Variants in PCSK2 observed in about 807,000 individuals in gnomAD.
The protein encoded by PCSK2 is proprotein convertase subtilisin/kexin type 2.
In PCSK2, 14 loss-of-function variants were observed where a neutral mutation model predicts 69.7. The observed-to-expected ratio is 0.20, with a 90% CI of 0.13 to 0.31. The LOEUF is 0.31. PCSK2 is among the 10% of genes least tolerant of loss of function. The pLI, the probability that PCSK2 is intolerant of heterozygous loss-of-function variation, is 1.00. For synonymous variants in PCSK2, 307 were observed against 320.7 expected (o/e 0.96, Z 0.46); for missense variants, 544 against 842.5 (o/e 0.65, Z 4.39).
At chr20:17,274,463 A>G (rs6080617) in intron 2 of PCSK2, among the ~76,000 whole-genome samples, 1 of 152,186 alleles carries the variant, frequency 6.6e-6, no homozygotes, top group East Asian at 1.9e-4. Context: ...AATTCTGGGC[A>G]TAGCCAGCCC....
chr20:17,393,461 TAA>T (rs5840765), intron 5 of PCSK2, among the ~76,000 whole-genome samples: 2 of 151,998 alleles, frequency 1.3e-5, no homozygotes, highest in East Asian at 3.9e-4. Flanking sequence ...CCCAGAAAGC[TAA>T]AAAAAAGTTA....
intron 8 of PCSK2, among the ~76,000 whole-genome samples, chr20:17,437,785 G>A (rs925417431): frequency 6.6e-6 from 1 of 152,206 alleles, no homozygotes; most frequent in Admixed American, 6.5e-5. Context: ...TTTGGACCGG[G>A]CACACTGGGG....
intron 1 of PCSK2, among the ~76,000 whole-genome samples, chr20:17,253,513 T>A (rs6044702): frequency 0.5 from 76,751 of 151,998 alleles, 19,543 homozygotes; most frequent in East Asian, 0.66. Context: ...TTCAAGGTTC[T>A]TCCGTGTTTT....
chr20:17,267,138 C>G (rs1987645516), intron 2 of PCSK2, among the ~76,000 whole-genome samples: 1 of 152,126 alleles, frequency 6.6e-6, no homozygotes, highest in Admixed American at 6.5e-5. Context: ...CTGCCCTTTT[C>G]CAGAGATTGA....
At chr20:17,275,194 A>G (rs1020923722) in intron 2 of PCSK2, among the ~76,000 whole-genome samples, 6 of 151,734 alleles carry the variant, frequency 4.0e-5, no homozygotes, top group Non-Finnish European at 7.4e-5. Flanking sequence ...TAAGAAATCA[A>G]TGCATTTGAA....
chr20:17,413,047 G>A (rs1403562127), intron 6 of PCSK2, among the ~76,000 whole-genome samples: 2 of 152,272 alleles, frequency 1.3e-5, no homozygotes, highest in South Asian at 2.1e-4. Context: ...AACATGGAAA[G>A]GAACAACCAG....
In PCSK2 at chr20:17,370,254, C is replaced by T. The variant is rs564826398; in HGVS notation, c.543+977C>T. Among the ~76,000 whole-genome samples the T allele has an allele frequency of 5.3e-5, 8 of 152,284 alleles. No individual in the cohort carries two copies. In the South Asian group the frequency reaches 1.7e-3, roughly 32 times the overall value. On this transcript the variant is annotated intron_variant, in intron 5 of 11. Coordinates refer to ENST00000262545, the MANE Select transcript of PCSK2 (RefSeq NM_002594.5). ...CTCATATTTAGAGAACAAGGGCTTGCATAAAAGAAAGGATGGTTACCCAGC... is the reference window on the plus strand; with the variant it reads ...CTCATATTTAGAGAACAAGGGCTTGTATAAAAGAAAGGATGGTTACCCAGC...
chr20:17,335,462 T>TGTGTGTGTGTG (rs1555789125), intron 2 of PCSK2, among the ~76,000 whole-genome samples: 18 of 151,212 alleles, frequency 1.2e-4, no homozygotes, highest in South Asian at 2.1e-4. Context: ...TGTGTGTGTG[T>TGTGTGTGTGTG]TCCTTGTCTA....
At chr20:17,382,639 G>A (rs944040551) in intron 5 of PCSK2, among the ~76,000 whole-genome samples, 4 of 152,220 alleles carry the variant, frequency 2.6e-5, no homozygotes, top group South Asian at 4.1e-4. Context: ...CCTGGACCAA[G>A]CCAGCATCAC....
At chr20:17,429,842 C>T (rs2032328013) in intron 7 of PCSK2, among the ~76,000 whole-genome samples, 1 of 152,040 alleles carries the variant, frequency 6.6e-6, no homozygotes, top group African/African-American at 2.4e-5. Flanking sequence ...AGTTACTACT[C>T]TGACACCCAA....
chr20:17,472,127 C>T (rs920438924), intron 11 of PCSK2, among the ~76,000 whole-genome samples: 2 of 152,176 alleles, frequency 1.3e-5, no homozygotes, highest in African/African-American at 2.4e-5. Context: ...CCAGCCCAGG[C>T]CGGCCCCATC....
chr20:17,478,555 T>C (rs946915751), intron 11 of PCSK2, among the ~76,000 whole-genome samples: 11 of 152,240 alleles, frequency 7.2e-5, no homozygotes, highest in African/African-American at 2.7e-4. Flanking sequence ...AAGTTAATCA[T>C]AGTTGTTACT....
intron 2 of PCSK2, among the ~76,000 whole-genome samples, chr20:17,268,061 A>ATATATATATATATATC (rs1987701377): frequency 6.9e-6 from 1 of 145,154 alleles, no homozygotes; most frequent in Admixed American, 6.9e-5. Context: ...ATATATATAT[A>ATATATATATATATATC]TAATGCATTT....
chr20:17,345,402 C>G (rs1463322553), intron 2 of PCSK2, among the ~76,000 whole-genome samples: 2 of 152,148 alleles, frequency 1.3e-5, no homozygotes, highest in Non-Finnish European at 2.9e-5. Flanking sequence ...TCCATCATGT[C>G]CGTGCTATAC....
chr20:17,313,723 AG>A (rs1291337392), intron 2 of PCSK2, among the ~76,000 whole-genome samples: 1 of 152,116 alleles, frequency 6.6e-6, no homozygotes, highest in Non-Finnish European at 1.5e-5. Flanking sequence ...ATAATTTACA[AG>A]GTTTTTCTCT....
At chr20:17,246,573 A>G (rs1010481450) in intron 1 of PCSK2, among the ~76,000 whole-genome samples, 11 of 152,236 alleles carry the variant, frequency 7.2e-5, no homozygotes, top group African/African-American at 2.7e-4. Flanking sequence ...CTGGTTTAAC[A>G]GTGGAATAGT....
intron 1 of PCSK2, among the ~76,000 whole-genome samples, chr20:17,236,147 G>A (rs1327920158): frequency 6.6e-6 from 1 of 151,986 alleles, no homozygotes; most frequent in African/African-American, 2.4e-5. Context: ...TATATAAATT[G>A]TTTTATAGAG....
chr20:17,398,523 CAAAAAAAAAAAA>C (rs36062712), intron 5 of PCSK2, among the ~76,000 whole-genome samples: 1 of 85,212 alleles, frequency 1.2e-5, no homozygotes, highest in South Asian at 4.8e-4. Context: ...GATCCTGTCT[CAAAAAAAAAAAA>C]AAAAAAAAAA....
chr20:17,277,269 T>C (rs1225679986), intron 2 of PCSK2, among the ~76,000 whole-genome samples: 1 of 152,330 alleles, frequency 6.6e-6, no homozygotes, highest in African/African-American at 2.4e-5. Context: ...AAGTCAATCC[T>C]AAGCCAAAAG....
Sources: gnomAD v4.1 joint callset for allele counts (sites outside exome capture counted in the v4.1 genomes callset) on GRCh38, gnomAD v4.1.1 for gene constraint, MANE v1.5 for transcripts, NCBI Gene and HGNC (gene_info 2026-07-23, HGNC 2026-07-21) for gene names.